Variants in NTM observed in about 807,000 individuals in gnomAD.
NTM encodes IgLON family member 2.
A neutral mutation model predicts 42.1 loss-of-function variants in NTM; 13 were observed. The ratio of observed to expected loss-of-function variants is 0.31; its 90% CI spans 0.20 to 0.49. The LOEUF (loss-of-function observed/expected upper bound fraction) is 0.49. NTM is among the 20% of genes least tolerant of loss of function. NTM has a pLI of 0.99. For missense variants in NTM, 373 were observed against 452.8 expected (o/e 0.82, Z 1.60); for synonymous variants, 187 against 179.2 (o/e 1.04, Z -0.35).
chr11:132,101,416 G>GGT, intron 2 of NTM, among the ~76,000 whole-genome samples: 1 of 152,142 alleles, frequency 6.6e-6, no homozygotes, highest in Non-Finnish European at 1.5e-5. Flanking sequence ...CAGGCACACC[G>GGT]TCTTCCCCAC....
chr11:132,048,524 A>G (rs933836553), intron 2 of NTM, among the ~76,000 whole-genome samples: 3 of 152,124 alleles, frequency 2.0e-5, no homozygotes, highest in Admixed American at 2.0e-4. Flanking sequence ...GATTCTTCTC[A>G]CCCTTCAGAG....
At chr11:132,292,623 C>T (rs1031690947) in intron 4 of NTM, among the ~76,000 whole-genome samples, 5 of 151,130 alleles carry the variant, frequency 3.3e-5, no homozygotes, top group Non-Finnish European at 5.9e-5. Context: ...TTTTGATGTT[C>T]CTACAGCAGA....
intron 1 of NTM, among the ~76,000 whole-genome samples, chr11:131,656,442 T>C (rs2067197266): frequency 6.6e-6 from 1 of 152,234 alleles, no homozygotes; most frequent in African/African-American, 2.4e-5. Flanking sequence ...GAGGAGGCAC[T>C]TCTGAATCCA....
intron 2 of NTM, among the ~76,000 whole-genome samples, chr11:132,137,504 A>C (rs2068177779): frequency 1.3e-5 from 2 of 152,182 alleles, no homozygotes; most frequent in South Asian, 2.1e-4. Context: ...ACGAGGGCTT[A>C]TTGCACAACG....
chr11:131,563,512 C>T (rs2056488671), intron 1 of NTM, among the ~76,000 whole-genome samples: 1 of 151,130 alleles, frequency 6.6e-6, no homozygotes, highest in Non-Finnish European at 1.5e-5. Flanking sequence ...TGGGTGTTAG[C>T]CTGGGCGGGC....
chr11:131,871,551 T>C (rs532980523), intron 1 of NTM, among the ~76,000 whole-genome samples: 5 of 152,358 alleles, frequency 3.3e-5, no homozygotes, highest in Admixed American at 6.5e-5. Flanking sequence ...TCAAACATTG[T>C]TTATGCATTG....
At chr11:132,329,037 A>G (rs750816397) in intron 7 of NTM, among the ~76,000 whole-genome samples, 1 of 152,196 alleles carries the variant, frequency 6.6e-6, no homozygotes, top group Admixed American at 6.5e-5. Context: ...GCCCACTTAA[A>G]TCAAGAGGGA....
intron 3 of NTM, among the ~76,000 whole-genome samples, chr11:132,186,627 G>T (rs2078442192): frequency 6.6e-6 from 1 of 152,184 alleles, no homozygotes; most frequent in South Asian, 2.1e-4. Context: ...TCAGGTCATG[G>T]CATTGCAGCC....
chr11:131,911,084 T>C, intron 1 of NTM: 1 of 1,129,364 alleles, frequency 8.9e-7, no homozygotes, highest in South Asian at 2.5e-5. Context: ...GCCCACCCCG[T>C]CCCCTTCTGG....
intron 1 of NTM, among the ~76,000 whole-genome samples, chr11:131,598,770 CT>C (rs1313746123): frequency 5.5e-5 from 5 of 90,876 alleles, no homozygotes; most frequent in African/African-American, 1.6e-4. Flanking sequence ...TTCTTTTTTT[CT>C]TTCTTTCTTT....
Position 131,933,061 on chromosome 11 carries a change from A to G in NTM, c.167+21413A>G, listed in dbSNP as rs531197729. On this transcript the variant is annotated intron_variant, in intron 2 of 8. Coordinates refer to ENST00000683400, the MANE Select transcript of NTM (RefSeq NM_001352005.2). ...CTCTCAGCTTTTCCTCCACAGCGCC[A>G]ACTGTCAGTAATTTAACTAACATTT... Among the ~76,000 whole-genome samples the G allele has an allele frequency of 4.3e-4, 66 of 152,360 alleles. 1 individual carries two copies. The South Asian group carries it at 0.012, about 27-fold the overall frequency.
intron 2 of NTM, among the ~76,000 whole-genome samples, chr11:131,941,779 A>T (rs2059818259): frequency 6.6e-6 from 1 of 152,176 alleles, no homozygotes; most frequent in Non-Finnish European, 1.5e-5. Flanking sequence ...TAAAAACAAA[A>T]CCAAAACACT....
intron 1 of NTM, among the ~76,000 whole-genome samples, chr11:131,410,448 G>A (rs1328899946): frequency 3.6e-5 from 5 of 139,872 alleles, no homozygotes; most frequent in Non-Finnish European, 6.1e-5. Context: ...AGCTGTGATT[G>A]TACCACTGCA....
intron 1 of NTM, among the ~76,000 whole-genome samples, chr11:131,624,832 T>C (rs77758718): frequency 1.5e-3 from 231 of 152,306 alleles, no homozygotes; most frequent in African/African-American, 5.3e-3. Context: ...ATGTCTCACA[T>C]GCCTACCGCA....
intron 1 of NTM, among the ~76,000 whole-genome samples, chr11:131,665,128 T>G (rs916844155): frequency 6.6e-6 from 1 of 152,176 alleles, no homozygotes; most frequent in African/African-American, 2.4e-5. Context: ...AGAAGGGATC[T>G]CCTCTCAAGG....
At chr11:131,438,670 T>C (rs1167007153) in intron 1 of NTM, among the ~76,000 whole-genome samples, 1 of 152,208 alleles carries the variant, frequency 6.6e-6, no homozygotes, top group Non-Finnish European at 1.5e-5. Flanking sequence ...TTTATTGTAG[T>C]TAGCCATTCG....
chr11:132,159,145 A>G (rs912776602), intron 3 of NTM, among the ~76,000 whole-genome samples: 20 of 152,144 alleles, frequency 1.3e-4, no homozygotes, highest in African/African-American at 4.8e-4. Context: ...AACAAGGCTG[A>G]GATTGTATTA....
intron 2 of NTM, among the ~76,000 whole-genome samples, chr11:132,043,700 C>G (rs985976149): frequency 6.6e-6 from 1 of 152,122 alleles, no homozygotes; most frequent in Non-Finnish European, 1.5e-5. Context: ...AGCTGGCAGA[C>G]GCAAACAAGC....
chr11:131,807,682 G>T (rs930759022), intron 1 of NTM, among the ~76,000 whole-genome samples: 31 of 152,124 alleles, frequency 2.0e-4, no homozygotes, highest in African/African-American at 7.0e-4. Context: ...AACACAGAAG[G>T]CAAGTCTCAC....
Sources: allele counts gnomAD v4.1 joint callset (sites outside exome capture counted in the v4.1 genomes callset), GRCh38; gene constraint gnomAD v4.1.1; transcripts MANE v1.5; gene names NCBI Gene and HGNC (gene_info 2026-07-23, HGNC 2026-07-21).